The following PIGN variants were observed in gnomAD, a reference collection of about 807,000 sequenced individuals.
PIGN encodes the protein GPI ethanolamine phosphate transferase 1.
PIGN carries 117 observed loss-of-function variants against 125.4 expected under a neutral mutation model. That is an observed-to-expected ratio of 0.93 (90% confidence interval 0.80 to 1.09). PIGN has a LOEUF of 1.09. Among genes scored for constraint, PIGN ranks in the 50% least tolerant of loss-of-function variants. PIGN has a pLI of 0.00. For missense variants in PIGN, 1,075 were observed against 1,094.9 expected (o/e 0.98, Z 0.26); for synonymous variants, 392 against 377.8 (o/e 1.04, Z -0.44).
At chr18:62,107,848 T>G (rs139256408) in intron 17 of PIGN, among the ~76,000 whole-genome samples, 33 of 152,318 alleles carry the variant, frequency 2.2e-4, no homozygotes, top group Non-Finnish European at 4.0e-4. Context: ...AAATCTTAAT[T>G]ACATTTTCTA....
In PIGN at chr18:62,055,936, A is replaced by G. The variant is rs532989667; in HGVS notation, c.2673-9957T>C. On this transcript the variant is annotated intron_variant, in intron 30 of 30. Coordinates refer to ENST00000640252, the MANE Select transcript of PIGN (RefSeq NM_176787.5). ...TTAATCAATATTTGTTAAATGAATT[A>G]TTAAAGATAATTTATAATTAGAAGA... Among the ~76,000 whole-genome samples, 6 of 151,244 alleles carry G rather than the reference A, an allele frequency of 4.0e-5. No individual in the cohort carries two copies. In the East Asian group the frequency reaches 1.2e-3, roughly 30 times the overall value.
intron 6 of PIGN, among the ~76,000 whole-genome samples, chr18:62,156,242 TTA>T (rs1380751429): frequency 6.6e-6 from 1 of 152,220 alleles, no homozygotes; most frequent in Non-Finnish European, 1.5e-5. Flanking sequence ...TTTAAATAAA[TTA>T]TATGTTAAAT....
intron 30 of PIGN, among the ~76,000 whole-genome samples, chr18:62,063,320 G>T (rs514473): frequency 0.019 from 1,400 of 74,204 alleles, 35 homozygotes; most frequent in South Asian, 0.022. Context: ...ATAGATTTTA[G>T]CCAAAATCTA....
chr18:62,156,648 A>T (rs1259988822), intron 6 of PIGN, among the ~76,000 whole-genome samples: 1 of 152,176 alleles, frequency 6.6e-6, no homozygotes, highest in African/African-American at 2.4e-5. Flanking sequence ...AAATCTTTAT[A>T]TGAGTAGCTA....
At chr18:62,031,152 T>C (rs1210182938) in intron 23 of PIGN, among the ~76,000 whole-genome samples, 1 of 152,166 alleles carries the variant, frequency 6.6e-6, no homozygotes, top group Non-Finnish European at 1.5e-5. Flanking sequence ...CTCATGGTAA[T>C]GAATAAGTCT....
chr18:62,062,408 T>A (rs1015784808), intron 30 of PIGN, among the ~76,000 whole-genome samples: 1 of 152,214 alleles, frequency 6.6e-6, no homozygotes, highest in Admixed American at 6.5e-5. Context: ...AGAGCAAGCA[T>A]CCCGTTTAAC....
chr18:62,164,411 G>A (rs1256434391), intron 1 of PIGN, among the ~76,000 whole-genome samples: 1 of 152,162 alleles, frequency 6.6e-6, no homozygotes, highest in Admixed American at 6.6e-5. Flanking sequence ...GGCTTAACAG[G>A]AAGCATGACT....
rs557416199 is a variant in PIGN, at chr18:62,020,440, A to T, written c.2143-2699T>A. Among the ~76,000 whole-genome samples, 15 of 152,282 alleles carry T rather than the reference A, an allele frequency of 9.9e-5. No individual in the cohort carries two copies. In the East Asian group the frequency reaches 2.9e-3, roughly 29 times the overall value. ...AAGATACGATCTGGAACCAGGAGAA[A>T]AGTAGTCAACAGAAAGACCTTGAAA... On this transcript the variant is annotated intron_variant, in intron 23 of 24. Coordinates refer to the PIGN transcript ENST00000639600.
chr18:62,050,977 G>C (rs2031231803), intron 30 of PIGN, among the ~76,000 whole-genome samples: 1 of 151,284 alleles, frequency 6.6e-6, no homozygotes, highest in African/African-American at 2.4e-5. Context: ...TTTTGTCTTT[G>C]GTTATGTTTA....
chr18:62,143,690 C>T (rs991375904), intron 10 of PIGN, among the ~76,000 whole-genome samples: 5 of 152,122 alleles, frequency 3.3e-5, no homozygotes, highest in Admixed American at 1.3e-4. Context: ...CATTACAATC[C>T]TGTTCTAGAG....
At chr18:62,140,689 A>G (rs1016965963) in intron 11 of PIGN, among the ~76,000 whole-genome samples, 1 of 152,176 alleles carries the variant, frequency 6.6e-6, no homozygotes, top group African/African-American at 2.4e-5. Context: ...AAAAGAAACC[A>G]CTAAAGGCCC....
chr18:62,021,842 T>C (rs2030057924), intron 23 of PIGN, among the ~76,000 whole-genome samples: 1 of 152,172 alleles, frequency 6.6e-6, no homozygotes, highest in Non-Finnish European at 1.5e-5. Flanking sequence ...GAAATCAGGG[T>C]CTCGGCTGAG....
At position 62,114,604 on chromosome 18, in the gene PIGN, C is replaced by T; in HGVS notation, c.1208G>A (p.Arg403Lys). 1 of 1,525,000 alleles carries T rather than the reference C, an allele frequency of 6.6e-7. No individual in the cohort carries two copies. The highest frequency in any genetic ancestry group is 8.9e-7 in the Non-Finnish European group (1 of 1,123,366). The allele number at this position is 1,525,000 out of a possible 1,614,324, so 94.5% of individuals were successfully genotyped here. A position where few individuals can be genotyped will look rare whatever the true frequency, so the allele number is the denominator to read the frequency against. The change falls in exon 15 of 31, where the codon AGA becomes AAA. Residue 403 changes from arginine to lysine, a missense_variant. Transcript: ENST00000640252. ...LSDSKQFNIL[R>K]KARSYIKHRK... ...GTGTTTTATATAAGATCTTGCTTTT[C>T]TTAAAATGTTGAACTGTTTGGAATC...
intron 1 of PIGN, among the ~76,000 whole-genome samples, chr18:62,182,448 T>C (rs1444969811): frequency 6.6e-6 from 1 of 152,206 alleles, no homozygotes; most frequent in Non-Finnish European, 1.5e-5. Context: ...AGTATGTAAG[T>C]CTGAGAAATA....
chr18:62,159,370 C>T (rs2036858534), intron 4 of PIGN, among the ~76,000 whole-genome samples: 1 of 152,144 alleles, frequency 6.6e-6, no homozygotes, highest in Non-Finnish European at 1.5e-5. Context: ...ACAGAGCTTC[C>T]GTTAGTAAGA....
At chr18:62,023,398 C>T (rs1347903071) in intron 23 of PIGN, among the ~76,000 whole-genome samples, 1 of 152,144 alleles carries the variant, frequency 6.6e-6, no homozygotes, top group Admixed American at 6.5e-5. Flanking sequence ...TAGCATGTAC[C>T]AGCACTTCAG....
chr18:62,083,208 T>A (rs995095052), intron 27 of PIGN, among the ~76,000 whole-genome samples: 2 of 152,074 alleles, frequency 1.3e-5, no homozygotes, highest in Non-Finnish European at 2.9e-5. Flanking sequence ...TTTGCCTTTT[T>A]TAAAAAAATA....
intron 14 of PIGN, among the ~76,000 whole-genome samples, chr18:62,132,263 G>A (rs1051815483): frequency 1.3e-5 from 2 of 152,100 alleles, no homozygotes; most frequent in Admixed American, 6.6e-5. Flanking sequence ...ATAAAGGGTC[G>A]ATGGTACTCA....
intron 30 of PIGN, among the ~76,000 whole-genome samples, chr18:62,059,841 T>C (rs1273690393): frequency 6.6e-6 from 1 of 152,210 alleles, no homozygotes; most frequent in Non-Finnish European, 1.5e-5. Flanking sequence ...ATAAAGCTGT[T>C]AAGAATAAAA....
Sources: gnomAD v4.1 joint callset for allele counts (sites outside exome capture counted in the v4.1 genomes callset) on GRCh38, gnomAD v4.1.1 for gene constraint, MANE v1.5 for transcripts, NCBI Gene and HGNC (gene_info 2026-07-23, HGNC 2026-07-21) for gene names.